CUBN: variants seen among roughly 807,000 people sequenced by gnomAD.
The protein encoded by CUBN is 460 kDa receptor.
A neutral mutation model predicts 405.3 loss-of-function variants in CUBN; 282 were observed. The observed-to-expected ratio is 0.70, with a 90% CI of 0.63 to 0.77. The LOEUF is 0.77. CUBN is among the 30% of genes least tolerant of loss of function. CUBN has a pLI of 0.00. For synonymous variants in CUBN, 1,684 were observed against 1,617.0 expected (o/e 1.04, Z -0.99); for missense variants, 4,514 against 4,475.2 (o/e 1.01, Z -0.25).
intron 28 of CUBN, among the ~76,000 whole-genome samples, chr10:17,019,141 A>C (rs1834425280): frequency 6.6e-6 from 1 of 152,154 alleles, no homozygotes; most frequent in Non-Finnish European, 1.5e-5. Context: ...CATTTTGGGA[A>C]CCACTGCTCT....
intron 31 of CUBN, chr10:16,965,811 G>T: frequency 6.2e-6 from 2 of 321,060 alleles, no homozygotes; most frequent in South Asian, 2.4e-5. Flanking sequence ...ACCAGACACT[G>T]ATAGGTACTT....
chr10:16,869,893 G>T, intron 58 of CUBN, 40 bp from the exon 59 acceptor site: 2 of 1,424,910 alleles, frequency 1.4e-6, no homozygotes, highest in Non-Finnish European at 2.0e-6. Context: ...TTTCCATTTG[G>T]ACTTCTATTA....
chr10:17,119,466 C>T (rs925420774), intron 6 of CUBN, among the ~76,000 whole-genome samples: 1 of 152,102 alleles, frequency 6.6e-6, no homozygotes, highest in Non-Finnish European at 1.5e-5. Context: ...TTGAGACCAG[C>T]CTGGCCAACA....
At chr10:17,011,119 G>A (rs1249540808) in intron 28 of CUBN, among the ~76,000 whole-genome samples, 1 of 152,144 alleles carries the variant, frequency 6.6e-6, no homozygotes, top group Admixed American at 6.5e-5. Flanking sequence ...TAGCATCATG[G>A]TTGAGAACTA....
At chr10:16,945,498 T>C (rs1014752144) in intron 36 of CUBN, among the ~76,000 whole-genome samples, 2 of 152,158 alleles carry the variant, frequency 1.3e-5, no homozygotes, top group African/African-American at 4.8e-5. Flanking sequence ...CCAGGCACGG[T>C]GGCTCATGCC....
In CUBN at chr10:16,952,332, G is replaced by A. The variant is rs1842943224; in HGVS notation, c.4913C>T (p.Pro1638Leu). 1 of 1,613,972 alleles carries A rather than the reference G, an allele frequency of 6.2e-7. No individual in the cohort carries two copies. The highest frequency in any genetic ancestry group is 8.5e-7 in the Non-Finnish European group (1 of 1,179,930). ...SFDTVSSPRFPANYPNNQNCS... is the reference protein window; with the variant it reads ...SFDTVSSPRFLANYPNNQNCS... ...GTTCTGATTGTTTGGATAATTGGCA[G>A]GGAACCGTGGAGAGGAAACAGTATC... The change falls in exon 33 of 67, where the codon CCT (proline) becomes CTT (leucine). Residue 1638 changes from proline (P) to leucine (L), a missense_variant. By Grantham distance (98) the Pro-to-Leu change is moderately conservative. This residue lies in a region of CUBN where 1,613 missense variants were observed against 1,542.8 expected (regional missense o/e 1.05). Coordinates refer to ENST00000377833, the MANE Select transcript of CUBN (RefSeq NM_001081.4).
In CUBN at chr10:16,928,235, T is replaced by C. The variant is rs751798288; in HGVS notation, c.6193A>G (p.Thr2065Ala). 1.5e-5 allele frequency: 25 copies of C among 1,613,958 alleles called. No homozygotes were observed. Among genetic ancestry groups the C allele is most frequent in the East Asian group, 4.5e-5 (2 of 44,880 alleles). Residue 2065 changes from threonine to alanine, a missense_variant, in exon 41 of 67, where the codon ACT becomes GCT. By Grantham distance (58) the Thr-to-Ala change is moderately conservative. Coordinates refer to ENST00000377833, the MANE Select transcript of CUBN (RefSeq NM_001081.4). ...AAGCGGATGAACATGTACTCTCCAG[T>C]AGACCGGATGGGCCCAGGGATCTCT... ...GREIPGPIRS[T>A]GEYMFIRFTS...
intron 39 of CUBN, among the ~76,000 whole-genome samples, chr10:16,934,193 T>A (rs1364523097): frequency 1.3e-5 from 2 of 152,230 alleles, no homozygotes; most frequent in Non-Finnish European, 2.9e-5. Context: ...TGACTCTTAC[T>A]TAGATTCAGT....
At chr10:16,860,434 G>A (rs1019547231) in intron 59 of CUBN, among the ~76,000 whole-genome samples, 13 of 152,138 alleles carry the variant, frequency 8.5e-5, no homozygotes, top group Non-Finnish European at 1.6e-4. Flanking sequence ...CCACTAGAAA[G>A]ATATAATAAT....
At chr10:16,925,562 A>G (rs370002461) in intron 42 of CUBN, 22 bp downstream of exon 42, 74 of 1,613,476 alleles carry the variant, frequency 4.6e-5, no homozygotes, top group Non-Finnish European at 6.1e-5. Flanking sequence ...ATGTAATTAG[A>G]AAGGGTAGCA....
intron 56 of CUBN, among the ~76,000 whole-genome samples, chr10:16,887,665 C>T (rs2131394824): frequency 6.6e-6 from 1 of 152,282 alleles, no homozygotes; most frequent in African/African-American, 2.4e-5. Context: ...AAATGCATGG[C>T]AGTTTCCCAA....
At chr10:16,865,252 G>A (rs1469795702) in intron 59 of CUBN, among the ~76,000 whole-genome samples, 1 of 152,076 alleles carries the variant, frequency 6.6e-6, no homozygotes, top group Non-Finnish European at 1.5e-5. Flanking sequence ...TTACAGGCGT[G>A]AGCCACCGTG....
intron 31 of CUBN, among the ~76,000 whole-genome samples, chr10:16,973,958 G>A (rs761873589): frequency 2.0e-5 from 3 of 152,110 alleles, no homozygotes; most frequent in Non-Finnish European, 4.4e-5. Context: ...ACACGGGCAT[G>A]CATGTCTGAC....
chr10:17,114,204 A>G lies in CUBN; in HGVS notation c.721-15T>C. The G allele has an allele frequency of 6.2e-7, 1 of 1,613,302 alleles. No homozygotes were observed. The highest frequency in any genetic ancestry group is 8.5e-7 in the Non-Finnish European group (1 of 1,179,612). ...CTGTACTTGGGCTGGCAGGATGACA[A>G]CAGCGTGAATAAAGACAATCATGAA... On this transcript the variant is annotated splice_polypyrimidine_tract_variant and intron_variant, in intron 7 of 66. Transcript: ENST00000377833.
chr10:17,084,721 C>T (rs561470782), intron 16 of CUBN, among the ~76,000 whole-genome samples: 1 of 152,300 alleles, frequency 6.6e-6, no homozygotes, highest in East Asian at 1.9e-4. Context: ...CTATAAGTTG[C>T]TTTTTAAATA....
In CUBN at chr10:17,123,669, G is replaced by A; in HGVS notation, c.408C>T (p.Cys136=). 6.2e-7 allele frequency: 1 copy of A among 1,613,798 alleles called. No individual in the cohort carries two copies. The highest frequency in any genetic ancestry group is 8.5e-7 in the Non-Finnish European group (1 of 1,179,848). ...GLQQTVDKKV[C]SSNPCQNGGT... is the part of the protein sequence containing the mutation. The stretch of plus-strand genomic sequence containing the variant: ...CACCATTCTGGCAAGGATTGCTGCT[G>A]CAAACCTTTTTGTCAACAGTCTGAA... Residue 136 remains cysteine, a synonymous_variant, in exon 5 of 67, where the codon TGC becomes TGT. Transcript: ENST00000377833.
intron 22 of CUBN, among the ~76,000 whole-genome samples, chr10:17,063,422 GGGAAGCCAGCTGGAGA>G (rs1378883110): frequency 6.6e-6 from 1 of 152,168 alleles, no homozygotes; most frequent in Non-Finnish European, 1.5e-5. Flanking sequence ...TTATCACACA[GGGAAGCCAGCTGGAGA>G]ATCTTTTGAG....
intron 36 of CUBN, among the ~76,000 whole-genome samples, chr10:16,943,975 CATTTT>C (rs1842719587): frequency 6.6e-6 from 1 of 152,164 alleles, no homozygotes; most frequent in Non-Finnish European, 1.5e-5. Context: ...TAGGCTGGTA[CATTTT>C]ATAAGCAACT....
chr10:16,987,073 C>T (rs1030642251), intron 29 of CUBN, among the ~76,000 whole-genome samples: 1 of 152,188 alleles, frequency 6.6e-6, no homozygotes, highest in Non-Finnish European at 1.5e-5. Flanking sequence ...ACTGAGGTAA[C>T]TGTCCACACC....
Sources: gnomAD v4.1 joint callset for allele counts (sites outside exome capture counted in the v4.1 genomes callset) on GRCh38, gnomAD v4.1.1 for gene constraint, gnomAD v4.1.1 regional missense constraint, MANE v1.5 for transcripts, NCBI Gene and HGNC (gene_info 2026-07-23, HGNC 2026-07-21) for gene names.